LOC400499: variants seen among roughly 807,000 people sequenced by gnomAD.
At chr16:11,428,667 A>T in the LOC400499 span, among the ~76,000 whole-genome samples, 5 of 152,096 alleles carry the variant, frequency 3.3e-5, no homozygotes, top group Non-Finnish European at 5.9e-5. Context: ...TATGACCTGT[A>T]TCTTGTGGCG....
At chr16:11,517,849 A>G in the LOC400499 span, among the ~76,000 whole-genome samples, 1 of 152,150 alleles carries the variant, frequency 6.6e-6, no homozygotes, top group Non-Finnish European at 1.5e-5. Flanking sequence ...TGGAAGACAG[A>G]GATGCTTCAA....
At chr16:11,505,453 T>A in the LOC400499 span, among the ~76,000 whole-genome samples, 1 of 128,718 alleles carries the variant, frequency 7.8e-6, no homozygotes, top group South Asian at 2.7e-4. Context: ...TTCTTTTTTT[T>A]TTTTTTTTTT....
chr16:11,437,659 G>A, the LOC400499 span, among the ~76,000 whole-genome samples: 2 of 152,174 alleles, frequency 1.3e-5, no homozygotes, highest in African/African-American at 4.8e-5. Flanking sequence ...CTTGAGGTCA[G>A]GAGCTCAGGA....
At chr16:11,427,457 T>G in the LOC400499 span, among the ~76,000 whole-genome samples, 30 of 152,228 alleles carry the variant, frequency 2.0e-4, no homozygotes, top group Admixed American at 1.6e-3. Flanking sequence ...TTTGATTATT[T>G]TTTTTGAGAC....
the LOC400499 span, among the ~76,000 whole-genome samples, chr16:11,391,180 G>C: frequency 6.6e-6 from 1 of 152,264 alleles, no homozygotes; most frequent in Non-Finnish European, 1.5e-5. Context: ...CCCTGGCGCT[G>C]GGCAGGGCCT....
At chr16:11,413,929 A>G in the LOC400499 span, among the ~76,000 whole-genome samples, 3 of 152,198 alleles carry the variant, frequency 2.0e-5, no homozygotes, top group Non-Finnish European at 4.4e-5. Context: ...GGATCTGAAC[A>G]TCGGAGAGGG....
the LOC400499 span, among the ~76,000 whole-genome samples, chr16:11,373,660 C>T: frequency 1.3e-5 from 2 of 151,202 alleles, no homozygotes; most frequent in African/African-American, 4.8e-5. Context: ...TGCTCTGTCG[C>T]CCAGGCTGGA....
chr16:11,446,850 A>G, the LOC400499 span: 1 of 1,536,048 alleles, frequency 6.5e-7, no homozygotes, highest in Non-Finnish European at 8.7e-7. Context: ...GGTGTCGCCT[A>G]TCAGCTGTGA....
chr16:11,472,757 AAC>A, the LOC400499 span: 1 of 152,246 alleles, frequency 6.6e-6, no homozygotes, highest in Admixed American at 6.5e-5. Context: ...TGTGAGGATT[AAC>A]AGGTCAGTAA....
chr16:11,475,991 T>C, the LOC400499 span, among the ~76,000 whole-genome samples: 1 of 151,122 alleles, frequency 6.6e-6, no homozygotes, highest in Non-Finnish European at 1.5e-5. Context: ...CTAGCTGGAG[T>C]AGGGGGAGTT....
chr16:11,513,053 G>C, the LOC400499 span, among the ~76,000 whole-genome samples: 1 of 152,236 alleles, frequency 6.6e-6, no homozygotes, highest in African/African-American at 2.4e-5. Context: ...CTCACCGTGT[G>C]ACCTTGGACA....
the LOC400499 span, chr16:11,476,872 C>G: frequency 2.5e-6 from 1 of 399,738 alleles, no homozygotes; most frequent in Non-Finnish European, 4.4e-6. Context: ...GCTGCGGACG[C>G]TGGTCACCCA....
chr16:11,408,175 G>T, the LOC400499 span, among the ~76,000 whole-genome samples: 1 of 151,962 alleles, frequency 6.6e-6, no homozygotes, highest in Non-Finnish European at 1.5e-5. Flanking sequence ...TAGAGATGGG[G>T]TTTCGCCATG....
chr16:11,498,717 C>CGT, the LOC400499 span, among the ~76,000 whole-genome samples: 1 of 151,626 alleles, frequency 6.6e-6, no homozygotes, highest in African/African-American at 2.4e-5. Context: ...CTCTGGCCTG[C>CGT]ACATGGAACA....
chr16:11,477,194 A>G, the LOC400499 span, among the ~76,000 whole-genome samples: 1 of 152,228 alleles, frequency 6.6e-6, no homozygotes, highest in South Asian at 2.1e-4. Flanking sequence ...ACTGGGACAA[A>G]GCATGTGGCT....
chr16:11,430,001 C>A, the LOC400499 span, among the ~76,000 whole-genome samples: 15 of 152,156 alleles, frequency 9.9e-5, no homozygotes, highest in African/African-American at 3.6e-4. Flanking sequence ...ACCTGGCAAC[C>A]CTACCTTAAT....
chr16:11,480,557 C>T, the LOC400499 span, among the ~76,000 whole-genome samples: 1 of 152,174 alleles, frequency 6.6e-6, no homozygotes, highest in Non-Finnish European at 1.5e-5. Flanking sequence ...TGGTTCCTAC[C>T]CATAGGATGA....
chr16:11,478,126 A>C, the LOC400499 span: 1 of 390,050 alleles, frequency 2.6e-6, no homozygotes, highest in Non-Finnish European at 4.5e-6. Context: ...CAGCCTGGCC[A>C]ACATTGGGAA....
chr16:11,457,196 G>A, the LOC400499 span: 2 of 641,566 alleles, frequency 3.1e-6, no homozygotes, highest in Non-Finnish European at 2.6e-6. Context: ...CAAAAAACAA[G>A]GAGCGTTGGT....
Sources: gnomAD v4.1 joint callset for allele counts (sites outside exome capture counted in the v4.1 genomes callset) on GRCh38, gnomAD v4.1.1 for gene constraint, MANE v1.5 for transcripts.